Variants in MOK observed in about 807,000 individuals in gnomAD.
MOK encodes MOK protein kinase.
In MOK, 59 loss-of-function variants were observed where a neutral mutation model predicts 54.2. That is an observed-to-expected ratio of 1.09 (90% confidence interval 0.88 to 1.35). The LOEUF (loss-of-function observed/expected upper bound fraction) is 1.35. MOK is among the 40% of genes most tolerant of loss of function. The probability of loss-of-function intolerance (pLI) is 0.00; values close to 1 mark genes in which losing one functional copy is unlikely to be tolerated. For missense variants in MOK, 517 were observed against 526.2 expected, an observed-to-expected ratio of 0.98 and a Z score of 0.17; for synonymous variants, 210 against 202.7, an observed-to-expected ratio of 1.04 and a Z score of -0.31.
intron 1 of MOK, among the ~76,000 whole-genome samples, chr14:102,297,827 G>A (rs530207976): frequency 9.8e-5 from 15 of 152,296 alleles, no homozygotes; most frequent in African/African-American, 3.1e-4. Context: ...TTTAGCACCC[G>A]GGCCAGCAGC....
At chr14:102,252,081 C>T (rs930277667) in intron 4 of MOK, 86 bp from the exon 5 acceptor site, 2 of 830,792 alleles carry the variant, frequency 2.4e-6, no homozygotes, top group Non-Finnish European at 3.8e-6. Context: ...TTTTATTTAA[C>T]AATGTGTGAA....
At chr14:102,261,419 ATATATATATATATATATAT>A (rs1313120006) in intron 4 of MOK, among the ~76,000 whole-genome samples, 2 of 11,380 alleles carry the variant, frequency 1.8e-4, no homozygotes, top group East Asian at 2.0e-3. Context: ...AAAAAAAAAA[ATATATATATATATATATAT>A]ATATATATAT....
chr14:102,265,935 T>C (rs758095514), intron 2 of MOK, 23 bp from the exon 3 acceptor site: 60 of 1,561,798 alleles, frequency 3.8e-5, no homozygotes, highest in Admixed American at 2.0e-4. Context: ...TAAAAATGGA[T>C]AGCTCATTCA....
At chr14:102,293,701 C>CCAAAAAAAAAAAAAAAAAAA (rs1432616309) in intron 1 of MOK, among the ~76,000 whole-genome samples, 1 of 54,598 alleles carries the variant, frequency 1.8e-5, no homozygotes, top group African/African-American at 5.8e-5. Context: ...AACTCCATCA[C>CCAAAAAAAAAAAAAAAAAAA]AAAAAAAAAA....
At chr14:102,266,291 A>G (rs2067897204) in intron 2 of MOK, among the ~76,000 whole-genome samples, 1 of 152,132 alleles carries the variant, frequency 6.6e-6, no homozygotes, top group Admixed American at 6.6e-5. Flanking sequence ...AAGTTCCAAG[A>G]AAAGACCCAC....
downstream of MOK, among the ~76,000 whole-genome samples, chr14:102,226,829 G>C (rs1332724819): frequency 6.6e-6 from 1 of 152,188 alleles, no homozygotes; most frequent in African/African-American, 2.4e-5. The surrounding 1 kb of genome is among the most constrained non-coding windows in gnomAD (Gnocchi z 4.8). Context: ...AAACCCCGCC[G>C]CTCCTCCATG....
Position 102,241,000 on chromosome 14 carries a change from T to C in MOK, c.591-7211A>G, listed in dbSNP as rs1186397407. ...CCACTTGGCCCCAATACAAACTCGA[T>C]AATGGTTCTAAACAGCCAGAAAATG... On this transcript the variant is annotated intron_variant, in intron 7 of 11. Transcript: ENST00000361847. The surrounding 1 kb of genome is among the most constrained non-coding windows in gnomAD (Gnocchi z 5.4). 6.6e-6 allele frequency among the ~76,000 whole-genome samples: 1 copy of C among 152,168 alleles called. No individual in the cohort carries two copies. The highest frequency in any genetic ancestry group is 6.5e-5 in the Admixed American group (1 of 15,278).
At chr14:102,273,171 A>G (rs1473559104) in intron 2 of MOK, among the ~76,000 whole-genome samples, 1 of 149,636 alleles carries the variant, frequency 6.7e-6, no homozygotes, top group South Asian at 2.1e-4. Flanking sequence ...CTCCGTCTCA[A>G]AAAAAAAAGT....
chr14:102,226,980 G>C (rs535866135), downstream of MOK, among the ~76,000 whole-genome samples: 1 of 152,246 alleles, frequency 6.6e-6, no homozygotes, highest in East Asian at 1.9e-4. The surrounding 1 kb of genome is among the most constrained non-coding windows in gnomAD (Gnocchi z 4.8). Flanking sequence ...AGGGCCTCAA[G>C]TGGTGGACCT....
chr14:102,286,591 A>C (rs906263796), intron 1 of MOK, among the ~76,000 whole-genome samples: 5 of 152,142 alleles, frequency 3.3e-5, no homozygotes, highest in Non-Finnish European at 5.9e-5. Context: ...AGCCTGGGCG[A>C]CAGAGGGAGA....
intron 4 of MOK, among the ~76,000 whole-genome samples, chr14:102,255,313 G>C (rs2066863757): frequency 6.6e-6 from 1 of 151,996 alleles, no homozygotes; most frequent in Non-Finnish European, 1.5e-5. Flanking sequence ...GTGAGACTCT[G>C]TCTCAAAAAA....
At position 102,232,713 on chromosome 14, in the gene MOK, A is replaced by G. The variant is rs1382751395; in HGVS notation, c.693-5T>C. ...TCAAAATTCATAGCTCTCGACCTGT[A>G]TTAAAAACCCAATGATAATAAATGG... On this transcript the variant is annotated splice_polypyrimidine_tract_variant and splice_region_variant and intron_variant, in intron 8 of 11. Transcript: ENST00000361847. The surrounding 1 kb of genome is among the most constrained non-coding windows in gnomAD (Gnocchi z 5.1). 1 of 1,609,838 alleles carries G rather than the reference A, an allele frequency of 6.2e-7. No individual in the cohort carries two copies. The highest frequency in any genetic ancestry group is 1.7e-5 in the Admixed American group (1 of 59,720).
At chr14:102,292,299 C>T (rs1464451178) in intron 1 of MOK, among the ~76,000 whole-genome samples, 8 of 151,900 alleles carry the variant, frequency 5.3e-5, no homozygotes, top group Non-Finnish European at 8.8e-5. Flanking sequence ...CGGTGAAACC[C>T]CATCTCTACT....
Position 102,232,518 on chromosome 14 carries a change from C to A in MOK, c.866+17G>T. 6.2e-7 allele frequency: 1 copy of A among 1,606,242 alleles called. No individual in the cohort carries two copies. On this transcript the variant is annotated intron_variant, in intron 9 of 11. Coordinates refer to ENST00000361847, the MANE Select transcript of MOK (RefSeq NM_014226.3). This position sits in a 1 kb window ranked among gnomAD's most constrained non-coding sequence, Gnocchi z 5.1. ...CAGGTCCTGCATCTGCCCCACCGAA[C>A]CCACGAGAGTGCCTACCTCTGTTCT...
intron 2 of MOK, among the ~76,000 whole-genome samples, chr14:102,280,092 G>A (rs1266577187): frequency 1.3e-5 from 2 of 151,788 alleles, no homozygotes; most frequent in Non-Finnish European, 2.9e-5. Context: ...GGATTTTTGC[G>A]TGTGTGCGGT....
intron 1 of MOK, among the ~76,000 whole-genome samples, chr14:102,285,514 G>A (rs991105783): frequency 1.3e-5 from 2 of 152,098 alleles, no homozygotes; most frequent in African/African-American, 4.8e-5. Flanking sequence ...AAGTGATAAC[G>A]GTTATGTCAA....
rs2064392217 is a variant in MOK at position 102,229,091 on chromosome 14, T to C, written c.*198A>G. ...CTAGAATGCGGTGGTTTTACAAGTA[T>C]ATTAGCCCAGAACATCCTAGGCAGC... On this transcript the variant is annotated 3_prime_UTR_variant, in exon 12 of 12. Transcript: ENST00000361847. 5.4e-6 allele frequency: 3 copies of C among 556,822 alleles called. No homozygotes were observed. The highest frequency in any genetic ancestry group is 2.7e-5 in the South Asian group (1 of 36,402). 34.5% of individuals were successfully genotyped at this position (556,822 alleles called of 1,614,324 possible). A position where few individuals can be genotyped will look rare whatever the true frequency, so the allele number is the denominator to read the frequency against.
chr14:102,222,825 T>A (rs1401669985), downstream of MOK: 10 of 1,614,080 alleles, frequency 6.2e-6, no homozygotes, highest in Non-Finnish European at 8.5e-6. The surrounding 1 kb of genome is among the most constrained non-coding windows in gnomAD (Gnocchi z 4.4). Flanking sequence ...CTGCTTTGTT[T>A]GCAGGGCTCA....
intron 2 of MOK, among the ~76,000 whole-genome samples, chr14:102,281,280 C>T (rs986251780): frequency 4.6e-5 from 7 of 151,332 alleles, no homozygotes; most frequent in African/African-American, 1.2e-4. Flanking sequence ...GCCAAGATCA[C>T]GCCACTGCTC....
Sources: allele counts gnomAD v4.1 joint callset (sites outside exome capture counted in the v4.1 genomes callset), GRCh38; gene constraint gnomAD v4.1.1; non-coding constraint Gnocchi (gnomAD v3.1); transcripts MANE v1.5; gene names NCBI Gene and HGNC (gene_info 2026-07-23, HGNC 2026-07-21).